ZHX2: variants seen among roughly 807,000 people sequenced by gnomAD.
ZHX2 encodes zinc fingers and homeoboxes protein 2.
A neutral mutation model predicts 21.9 loss-of-function variants in ZHX2; 6 were observed. The observed-to-expected ratio is 0.27, with a 90% CI of 0.15 to 0.54. ZHX2 has a LOEUF of 0.54. Among genes scored for constraint, ZHX2 ranks in the 20% least tolerant of loss-of-function variants. ZHX2 has a pLI of 0.95. For synonymous variants in ZHX2, 434 were observed against 437.1 expected (o/e 0.99, Z 0.09); for missense variants, 908 against 1,090.7 (o/e 0.83, Z 2.36).
At chr8:122,807,495 G>A (rs1817846509) in intron 1 of ZHX2, among the ~76,000 whole-genome samples, 1 of 152,170 alleles carries the variant, frequency 6.6e-6, no homozygotes, top group South Asian at 2.1e-4. Flanking sequence ...TAGGCACTTG[G>A]AAATAGCCTT....
intron 2 of ZHX2, among the ~76,000 whole-genome samples, chr8:122,947,125 G>T (rs1217324061): frequency 6.7e-6 from 1 of 148,346 alleles, no homozygotes; most frequent in Non-Finnish European, 1.5e-5. Context: ...AATTAGTCAG[G>T]CATGGTGGCT....
At chr8:122,891,502 G>A (rs1256435438) in intron 2 of ZHX2, among the ~76,000 whole-genome samples, 2 of 151,900 alleles carry the variant, frequency 1.3e-5, no homozygotes, top group Non-Finnish European at 2.9e-5. Flanking sequence ...CTAGATCCTT[G>A]AGGTGTATCA....
intron 2 of ZHX2, among the ~76,000 whole-genome samples, chr8:122,926,883 T>C (rs1482423070): frequency 6.6e-6 from 1 of 152,192 alleles, no homozygotes. Flanking sequence ...TCTGCCTCTC[T>C]CTTAGAATGA....
At chr8:122,856,243 T>C (rs964791223) in intron 1 of ZHX2, among the ~76,000 whole-genome samples, 2 of 152,208 alleles carry the variant, frequency 1.3e-5, no homozygotes, top group Non-Finnish European at 2.9e-5. Context: ...TATCTCCCTA[T>C]GCTAAAGAAA....
At chr8:122,833,891 G>A (rs1818438925) in intron 1 of ZHX2, among the ~76,000 whole-genome samples, 1 of 152,106 alleles carries the variant, frequency 6.6e-6, no homozygotes. Flanking sequence ...CAGCTACTCG[G>A]GAGGCTGAGG....
intron 1 of ZHX2, among the ~76,000 whole-genome samples, chr8:122,783,833 GA>G (rs553957844): frequency 6.6e-6 from 1 of 152,192 alleles, no homozygotes; most frequent in Non-Finnish European, 1.5e-5. Context: ...GGCCAGAAGG[GA>G]AAAAATCTAC....
At chr8:122,888,054 C>G (rs1337548926) in intron 2 of ZHX2, among the ~76,000 whole-genome samples, 1 of 151,870 alleles carries the variant, frequency 6.6e-6, no homozygotes, top group Non-Finnish European at 1.5e-5. Context: ...AGCCACACAG[C>G]AGGAGCCCCC....
chr8:122,815,624 CTA>C (rs1365662575), intron 1 of ZHX2: 1 of 155,946 alleles, frequency 6.4e-6, no homozygotes, highest in Non-Finnish European at 1.4e-5. Flanking sequence ...AGGATTTAGA[CTA>C]TGACTTAAAC....
Position 122,974,185 on chromosome 8 carries a change from G to C in ZHX2, c.*948G>C, listed in dbSNP as rs754895895. The C allele has an allele frequency of 6.6e-6, 1 of 152,494 alleles. No homozygotes were observed. Among genetic ancestry groups the C allele is most frequent in the Non-Finnish European group, 1.5e-5 (1 of 68,020 alleles). 9.4% of individuals were successfully genotyped at this position (152,494 alleles called of 1,614,324 possible). On this transcript the variant is annotated 3_prime_UTR_variant, in exon 4 of 4. Coordinates refer to ENST00000314393, the MANE Select transcript of ZHX2 (RefSeq NM_014943.5). ...TTCTCTTCTTCACTGCCTTTTCTCG[G>C]TGTGGTATTTGACAAGATTTTAGCT...
intron 1 of ZHX2, among the ~76,000 whole-genome samples, chr8:122,792,244 A>T (rs1274465608): frequency 6.6e-6 from 1 of 152,164 alleles, no homozygotes; most frequent in Admixed American, 6.5e-5. Context: ...ATCATACACC[A>T]TGTGGTCTTT....
At chr8:122,804,679 G>A (rs1443544585) in intron 1 of ZHX2, among the ~76,000 whole-genome samples, 1 of 152,174 alleles carries the variant, frequency 6.6e-6, no homozygotes, top group Non-Finnish European at 1.5e-5. Context: ...TCCCAGTGAG[G>A]TGTTTTACTT....
At chr8:122,791,104 G>A (rs1563731395) in intron 1 of ZHX2, among the ~76,000 whole-genome samples, 1 of 152,224 alleles carries the variant, frequency 6.6e-6, no homozygotes, top group African/African-American at 2.4e-5. Flanking sequence ...CCATGGATTA[G>A]AACCTGTGGC....
intron 2 of ZHX2, among the ~76,000 whole-genome samples, chr8:122,931,860 C>T (rs1175070740): frequency 6.6e-6 from 1 of 152,100 alleles, no homozygotes. Context: ...CAAGAGAAAC[C>T]AGGCAGGAGG....
chr8:122,861,550 C>T (rs1819168418), intron 1 of ZHX2, among the ~76,000 whole-genome samples: 1 of 152,064 alleles, frequency 6.6e-6, no homozygotes, highest in South Asian at 2.1e-4. Flanking sequence ...ACCTTACAAG[C>T]AGAGTGTGGA....
intron 3 of ZHX2, among the ~76,000 whole-genome samples, chr8:122,956,638 C>A (rs1813311174): frequency 6.6e-6 from 1 of 152,102 alleles, no homozygotes; most frequent in Admixed American, 6.5e-5. Flanking sequence ...TTGGGCATAG[C>A]CAAAAGGTAG....
intron 2 of ZHX2, among the ~76,000 whole-genome samples, chr8:122,947,033 A>G (rs567677201): frequency 1.5e-5 from 2 of 137,824 alleles, no homozygotes; most frequent in South Asian, 5.1e-4. Flanking sequence ...AGGCAAGTGG[A>G]TGGCTTGAGC....
chr8:122,791,560 TAA>T (rs1318927969), intron 1 of ZHX2, among the ~76,000 whole-genome samples: 1 of 152,162 alleles, frequency 6.6e-6, no homozygotes, highest in Non-Finnish European at 1.5e-5. Context: ...ATCATAATAA[TAA>T]GTGTGAAGAT....
chr8:122,946,286 C>T (rs919014505), intron 2 of ZHX2, among the ~76,000 whole-genome samples: 4 of 152,040 alleles, frequency 2.6e-5, no homozygotes, highest in Non-Finnish European at 5.9e-5. Flanking sequence ...ATGCTACTAT[C>T]CTTTAGACAC....
At chr8:122,807,124 G>A (rs12544658) in intron 1 of ZHX2, among the ~76,000 whole-genome samples, 15,922 of 152,214 alleles carry the variant, frequency 0.1, 1,022 homozygotes, top group Admixed American at 0.21. Flanking sequence ...TGCTGTTGTC[G>A]TTGTTGGATC....
Sources: allele counts gnomAD v4.1 joint callset (sites outside exome capture counted in the v4.1 genomes callset), GRCh38; gene constraint gnomAD v4.1.1; transcripts MANE v1.5; gene names NCBI Gene and HGNC (gene_info 2026-07-23, HGNC 2026-07-21).